The following COMMD1 variants were observed in gnomAD, a reference collection of about 807,000 sequenced individuals.
COMMD1 encodes the protein COMM domain-containing protein 1.
A neutral mutation model predicts 17.2 loss-of-function variants in COMMD1; 10 were observed. The ratio of observed to expected loss-of-function variants is 0.58; its 90% CI spans 0.36 to 0.99. COMMD1 has a LOEUF of 0.99. Among genes scored for constraint, COMMD1 ranks in the 50% least tolerant of loss-of-function variants. The pLI, the probability that COMMD1 is intolerant of heterozygous loss-of-function variation, is 0.01. For synonymous variants in COMMD1, 97 were observed against 91.6 expected (o/e 1.06, Z -0.34); for missense variants, 270 against 231.8 (o/e 1.17, Z -1.07).
chr2:61,974,735 T>C lies in COMMD1; in HGVS notation c.181-25966T>C, dbSNP rs1446794770. 2.6e-5 allele frequency among the ~76,000 whole-genome samples: 4 copies of C among 151,934 alleles called. 1 individual carries two copies. In the East Asian group the frequency reaches 7.7e-4, roughly 29 times the overall value. ...ATTTTTTAGAGCAATTTTAGGTTTA[T>C]AGAAAAAACTGAAGGGAAAATACAG... On this transcript the variant is annotated intron_variant, in intron 1 of 2. Transcript: ENST00000311832.
intron 2 of COMMD1, 64 bp from the exon 3 acceptor site, chr2:62,135,767 G>A: frequency 1.2e-6 from 1 of 833,824 alleles, no homozygotes; most frequent in Non-Finnish European, 2.1e-6. Flanking sequence ...TTTGAGTTTG[G>A]TCATGCCAGA....
intron 1 of COMMD1, among the ~76,000 whole-genome samples, chr2:61,924,234 G>A (rs1022326013): frequency 3.3e-5 from 5 of 152,112 alleles, no homozygotes; most frequent in Non-Finnish European, 7.3e-5. Context: ...TTAAATTTCT[G>A]ATTTCCTTAG....
intron 2 of COMMD1, among the ~76,000 whole-genome samples, chr2:62,094,173 G>T (rs1001848797): frequency 6.6e-6 from 1 of 152,152 alleles, no homozygotes; most frequent in Non-Finnish European, 1.5e-5. Context: ...CACCTGGAAG[G>T]GGGAGCCGGG....
intron 2 of COMMD1, among the ~76,000 whole-genome samples, chr2:62,101,697 C>T (rs1558600309): frequency 6.6e-6 from 1 of 152,064 alleles, no homozygotes; most frequent in Admixed American, 6.5e-5. Context: ...ATCCCTACCC[C>T]CCAGTTCAAT....
chr2:62,036,415 AG>A (rs1278431023), intron 2 of COMMD1, among the ~76,000 whole-genome samples: 1 of 152,230 alleles, frequency 6.6e-6, no homozygotes, highest in Non-Finnish European at 1.5e-5. Context: ...TTTGTAACAT[AG>A]GCAAGGAGAA....
intron 2 of COMMD1, among the ~76,000 whole-genome samples, chr2:62,051,960 G>T (rs1428132686): frequency 6.6e-6 from 1 of 152,104 alleles, no homozygotes; most frequent in East Asian, 1.9e-4. Flanking sequence ...CATTATATTG[G>T]AAGAATAGTA....
At chr2:61,997,268 C>A (rs1246659764) in intron 1 of COMMD1, among the ~76,000 whole-genome samples, 1 of 151,826 alleles carries the variant, frequency 6.6e-6, no homozygotes, top group Non-Finnish European at 1.5e-5. Context: ...TGCCATGTTG[C>A]CCAGAATGGT....
chr2:61,972,502 A>G (rs868457043), intron 1 of COMMD1, among the ~76,000 whole-genome samples: 4 of 152,214 alleles, frequency 2.6e-5, no homozygotes, highest in Non-Finnish European at 5.9e-5. Flanking sequence ...GGAAAAAAGC[A>G]ATTTTACAGC....
chr2:61,911,517 G>T (rs1345206897), intron 1 of COMMD1, among the ~76,000 whole-genome samples: 1 of 152,156 alleles, frequency 6.6e-6, no homozygotes, highest in Non-Finnish European at 1.5e-5. Context: ...TGTCACGCAG[G>T]CTGGAGCGCA....
chr2:62,062,466 G>A (rs1258862600), intron 2 of COMMD1, among the ~76,000 whole-genome samples: 1 of 152,006 alleles, frequency 6.6e-6, no homozygotes, highest in Non-Finnish European at 1.5e-5. Context: ...TTCCTCAGGT[G>A]ATCCACTCAG....
At chr2:62,109,045 G>T (rs554208819) in intron 2 of COMMD1, among the ~76,000 whole-genome samples, 1 of 152,276 alleles carries the variant, frequency 6.6e-6, no homozygotes, top group African/African-American at 2.4e-5. Context: ...TGGCCTGTCT[G>T]CCCCAGAGGC....
intron 2 of COMMD1, among the ~76,000 whole-genome samples, chr2:62,116,378 GA>G (rs1377089491): frequency 6.6e-6 from 1 of 152,146 alleles, no homozygotes; most frequent in Non-Finnish European, 1.5e-5. Flanking sequence ...TTGTAGTTAA[GA>G]TGTTTTTCTT....
At chr2:61,977,057 C>T (rs1430682893) in intron 1 of COMMD1, among the ~76,000 whole-genome samples, 1 of 151,492 alleles carries the variant, frequency 6.6e-6, no homozygotes, top group African/African-American at 2.4e-5. Flanking sequence ...CTCCTGACCT[C>T]GTGATCTGCC....
At chr2:62,065,785 C>A (rs1031839999) in intron 2 of COMMD1, among the ~76,000 whole-genome samples, 1 of 152,124 alleles carries the variant, frequency 6.6e-6, no homozygotes, top group African/African-American at 2.4e-5. Context: ...ATAGATTATA[C>A]CTCAAAGCAA....
chr2:62,096,801 C>T (rs948073191), intron 2 of COMMD1, among the ~76,000 whole-genome samples: 2 of 152,322 alleles, frequency 1.3e-5, no homozygotes, highest in African/African-American at 2.4e-5. Flanking sequence ...TCCCCTAAAA[C>T]GAAGCCATTG....
intron 1 of COMMD1, among the ~76,000 whole-genome samples, chr2:61,980,490 T>TG (rs1456600911): frequency 2.0e-5 from 2 of 100,154 alleles, no homozygotes; most frequent in Non-Finnish European, 1.9e-5. Context: ...TGCATTTCTC[T>TG]GATGGCCAGT....
intron 1 of COMMD1, among the ~76,000 whole-genome samples, chr2:61,894,482 C>G: frequency 6.6e-6 from 1 of 151,778 alleles, no homozygotes; most frequent in Non-Finnish European, 1.5e-5. Context: ...GTTCCTAGAT[C>G]CAACTACCAA....
intron 2 of COMMD1, among the ~76,000 whole-genome samples, chr2:62,080,762 T>C (rs900075286): frequency 3.4e-5 from 5 of 148,150 alleles, no homozygotes; most frequent in Admixed American, 1.4e-4. Flanking sequence ...ATCATACTTA[T>C]GGAGTTCTGG....
chr2:62,097,948 G>A (rs948436803), intron 2 of COMMD1, among the ~76,000 whole-genome samples: 44 of 152,050 alleles, frequency 2.9e-4, no homozygotes, highest in Admixed American at 2.4e-3. Context: ...GCCTTCCTCT[G>A]GGGCCCTTTG....
Sources: allele counts gnomAD v4.1 joint callset (sites outside exome capture counted in the v4.1 genomes callset), GRCh38; gene constraint gnomAD v4.1.1; transcripts MANE v1.5; gene names NCBI Gene and HGNC (gene_info 2026-07-23, HGNC 2026-07-21).